The following PIK3CB variants were observed in gnomAD, a reference collection of about 807,000 sequenced individuals.
The protein encoded by PIK3CB is phosphatidylinositol 4,5-bisphosphate 3-kinase catalytic subunit beta isoform.
PIK3CB carries 39 observed loss-of-function variants against 136.8 expected under a neutral mutation model. The ratio of observed to expected loss-of-function variants is 0.29; its 90% CI spans 0.22 to 0.37. The LOEUF is 0.37. Ranked by LOEUF, PIK3CB falls within the 10% of genes least tolerant of loss-of-function variation. PIK3CB has a pLI of 1.00. For missense variants in PIK3CB, 868 were observed against 1,275.4 expected, an observed-to-expected ratio of 0.68 and a Z score of 4.87; for synonymous variants, 428 against 436.6, an observed-to-expected ratio of 0.98 and a Z score of 0.25.
At chr3:138,830,030 T>G (rs1012581519) in intron 1 of PIK3CB, among the ~76,000 whole-genome samples, 8 of 151,904 alleles carry the variant, frequency 5.3e-5, no homozygotes, top group African/African-American at 1.9e-4. Context: ...CAGGACAACA[T>G]GAGATCATTC....
intron 11 of PIK3CB, among the ~76,000 whole-genome samples, chr3:138,706,378 A>C (rs1316359196): frequency 6.6e-6 from 1 of 152,240 alleles, no homozygotes; most frequent in Non-Finnish European, 1.5e-5. Context: ...GTGTATATTA[A>C]AGAAATATAT....
At position 138,696,545 on chromosome 3, in the gene PIK3CB, G is replaced by T. The variant is rs149651740; in HGVS notation, c.1771-1638C>A. 3.9e-3 allele frequency among the ~76,000 whole-genome samples: 586 copies of T among 152,116 alleles called. 5 individuals carry two copies. Among genetic ancestry groups the T allele is most frequent in the African/African-American group, 0.013 (556 of 41,500 alleles). On this transcript the variant is annotated intron_variant, in intron 13 of 23. Transcript: ENST00000674063. ...TATTCTTAACCCTATATTGAATAAGGCTAGCTCTTTTTTTATGTATAAAGC... is the reference window on the plus strand; with the variant it reads ...TATTCTTAACCCTATATTGAATAAGTCTAGCTCTTTTTTTATGTATAAAGC...
At chr3:138,729,884 G>C (rs2108629776) in intron 8 of PIK3CB, among the ~76,000 whole-genome samples, 1 of 152,242 alleles carries the variant, frequency 6.6e-6, no homozygotes, top group South Asian at 2.1e-4. Flanking sequence ...GGAGAACCCT[G>C]AGTAATCCAT....
At chr3:138,791,674 C>A (rs1334005739) in intron 2 of PIK3CB, among the ~76,000 whole-genome samples, 1 of 152,210 alleles carries the variant, frequency 6.6e-6, no homozygotes, top group Non-Finnish European at 1.5e-5. Context: ...TCATAGAACA[C>A]ATCAAGCACA....
rs1365467593 is a variant in PIK3CB at position 138,809,259 on chromosome 3, C to G, written c.-121-12692G>C. 2.0e-5 allele frequency among the ~76,000 whole-genome samples: 3 copies of G among 151,680 alleles called. No homozygotes were observed. The East Asian group carries it at 5.8e-4, about 29-fold the overall frequency. On this transcript the variant is annotated intron_variant, in intron 1 of 23. Coordinates refer to ENST00000674063, the MANE Select transcript of PIK3CB (RefSeq NM_006219.3). ...CGCCACTGCACTCCAGCCTGGGAGA[C>G]AGAGTGAGATTCTGTCTCAAAAAAA...
chr3:138,795,503 C>T (rs1474374473), intron 2 of PIK3CB, among the ~76,000 whole-genome samples: 2 of 151,520 alleles, frequency 1.3e-5, no homozygotes, highest in African/African-American at 2.4e-5. Flanking sequence ...AGGTGGCACA[C>T]GCCTGTAGTC....
At chr3:138,705,426 T>C (rs1337199500) in intron 11 of PIK3CB, among the ~76,000 whole-genome samples, 1 of 151,998 alleles carries the variant, frequency 6.6e-6, no homozygotes, top group Non-Finnish European at 1.5e-5. Flanking sequence ...AGTCAAAATG[T>C]AGCTTTTTCT....
At chr3:138,779,027 C>A (rs201468322) in intron 2 of PIK3CB, among the ~76,000 whole-genome samples, 12 of 144,332 alleles carry the variant, frequency 8.3e-5, no homozygotes, top group Non-Finnish European at 1.1e-4. Context: ...CCTCTACTGC[C>A]AAAAAAAAAA....
intron 11 of PIK3CB, 30 bp downstream of exon 11, chr3:138,707,129 G>A: frequency 8.1e-7 from 1 of 1,235,544 alleles, no homozygotes; most frequent in Non-Finnish European, 1.2e-6. Context: ...ATCATTTCAT[G>A]CATAGAGGTC....
chr3:138,755,750 T>G lies in PIK3CB; in HGVS notation c.397+4A>C. Reference sequence around the variant, plus strand: ...TTGTACTTTTTTTTTATTTTTTAATTTACCTTTTCCTATAAGGACTCCAAT... The same window carrying G: ...TTGTACTTTTTTTTTATTTTTTAATGTACCTTTTCCTATAAGGACTCCAAT... On this transcript the variant is annotated splice_donor_region_variant and intron_variant, in intron 4 of 23. Coordinates refer to ENST00000674063, the MANE Select transcript of PIK3CB (RefSeq NM_006219.3). 1 of 1,394,106 alleles carries G rather than the reference T, an allele frequency of 7.2e-7. No individual in the cohort carries two copies. The highest frequency in any genetic ancestry group is 1.2e-5 in the South Asian group (1 of 80,136). 86.4% of individuals were successfully genotyped at this position (1,394,106 alleles called of 1,614,324 possible).
At chr3:138,745,712 G>C (rs1034180131) in intron 4 of PIK3CB, among the ~76,000 whole-genome samples, 3 of 152,122 alleles carry the variant, frequency 2.0e-5, no homozygotes, top group Non-Finnish European at 2.9e-5. Context: ...CCAGAAAAAG[G>C]GTTCTTATTG....
chr3:138,722,837 T>TA (rs1449234546), intron 8 of PIK3CB, among the ~76,000 whole-genome samples: 2 of 151,824 alleles, frequency 1.3e-5, no homozygotes, highest in South Asian at 2.1e-4. Context: ...GGTGACAATT[T>TA]AAAAAAAACA....
rs1004154252 is a variant in PIK3CB, at chr3:138,719,517, C to T, written c.1051-4798G>A. On this transcript the variant is annotated intron_variant, in intron 8 of 23. Coordinates refer to ENST00000674063, the MANE Select transcript of PIK3CB (RefSeq NM_006219.3). ...CACCTTGGCTCCCAAAGGTATGAGC[C>T]TTTAACACCGGTCTAGCGTGGTATT... 2.0e-5 allele frequency among the ~76,000 whole-genome samples: 3 copies of T among 151,854 alleles called. 1 individual carries two copies. Among genetic ancestry groups the T allele is most frequent in the Middle Eastern group, 3.2e-3 (1 of 316 alleles).
Position 138,779,375 on chromosome 3 carries a change from C to T in PIK3CB, c.-17+17088G>A, listed in dbSNP as rs1432779150. Among the ~76,000 whole-genome samples, 4 of 149,464 alleles carry T rather than the reference C, an allele frequency of 2.7e-5. No individual in the cohort carries two copies. In the Admixed American group the frequency reaches 2.7e-4, roughly 10 times the overall value. On this transcript the variant is annotated intron_variant, in intron 2 of 23. Coordinates refer to ENST00000674063, the MANE Select transcript of PIK3CB (RefSeq NM_006219.3). Reference sequence around the variant, plus strand: ...TGCTGGGATTACAGGCGTGAGCCACCACGCCCGGCCTTCTTTTTTTTTTTT... The same window carrying T: ...TGCTGGGATTACAGGCGTGAGCCACTACGCCCGGCCTTCTTTTTTTTTTTT...
intron 14 of PIK3CB, among the ~76,000 whole-genome samples, chr3:138,692,387 T>A (rs996750950): frequency 1.3e-4 from 20 of 152,186 alleles, no homozygotes; most frequent in Non-Finnish European, 2.5e-4. Context: ...CTCAGAGGGA[T>A]CAATGCGTTT....
chr3:138,756,244 A>C (rs766813754), intron 3 of PIK3CB, among the ~76,000 whole-genome samples: 3 of 152,198 alleles, frequency 2.0e-5, no homozygotes, highest in Non-Finnish European at 2.9e-5. Context: ...TTACAACAGC[A>C]AATTATAGGA....
chr3:138,809,140 T>C (rs2046265898), intron 1 of PIK3CB, among the ~76,000 whole-genome samples: 1 of 149,876 alleles, frequency 6.7e-6, no homozygotes, highest in East Asian at 2.0e-4. Flanking sequence ...TAGCCGGGCA[T>C]GGTGGCGCGC....
At chr3:138,781,179 C>T (rs1022545962) in intron 2 of PIK3CB, among the ~76,000 whole-genome samples, 9 of 151,762 alleles carry the variant, frequency 5.9e-5, no homozygotes, top group African/African-American at 1.9e-4. Context: ...GCAGCCCCAG[C>T]TACTCAGGAT....
intron 11 of PIK3CB, among the ~76,000 whole-genome samples, chr3:138,705,713 C>T (rs760737072): frequency 4.6e-5 from 7 of 152,058 alleles, no homozygotes; most frequent in Non-Finnish European, 8.8e-5. Flanking sequence ...TGTACTCAAG[C>T]GGATTGAGGA....
Sources: allele counts gnomAD v4.1 joint callset (sites outside exome capture counted in the v4.1 genomes callset), GRCh38; gene constraint gnomAD v4.1.1; transcripts MANE v1.5; gene names NCBI Gene and HGNC (gene_info 2026-07-23, HGNC 2026-07-21).